PTER: variants seen among roughly 807,000 people sequenced by gnomAD.
PTER encodes N-acetyltaurine hydrolase.
In PTER, 38 loss-of-function variants were observed where a neutral mutation model predicts 29.6. The observed-to-expected ratio is 1.28, with a 90% CI of 0.99 to 1.68. The LOEUF (loss-of-function observed/expected upper bound fraction) is 1.68, where lower values mean the gene tolerates loss of function less well. Among genes scored for constraint, PTER ranks in the 40% most tolerant of loss-of-function variants. The pLI is 0.00. For synonymous variants in PTER, 172 were observed against 154.5 expected (o/e 1.11, Z -0.84); for missense variants, 482 against 427.8 (o/e 1.13, Z -1.12).
chr10:16,471,579 A>C (rs1411526693), intron 1 of PTER, among the ~76,000 whole-genome samples: 1 of 152,234 alleles, frequency 6.6e-6, no homozygotes, highest in African/African-American at 2.4e-5. Flanking sequence ...ATAAATTTTT[A>C]TCGTATTTAA....
intron 1 of PTER, among the ~76,000 whole-genome samples, chr10:16,456,000 G>T (rs1171428809): frequency 6.6e-6 from 1 of 152,132 alleles, no homozygotes; most frequent in Non-Finnish European, 1.5e-5. Flanking sequence ...CAGGCCAACA[G>T]AAACTGAGAC....
At chr10:16,504,036 C>G (rs1836466577) in intron 3 of PTER, among the ~76,000 whole-genome samples, 1 of 152,082 alleles carries the variant, frequency 6.6e-6, no homozygotes, top group Non-Finnish European at 1.5e-5. Flanking sequence ...TTCCTTCATT[C>G]CCTTCATGCA....
At chr10:16,475,591 G>A (rs1835230775) in intron 1 of PTER, among the ~76,000 whole-genome samples, 2 of 152,154 alleles carry the variant, frequency 1.3e-5, no homozygotes, top group South Asian at 4.1e-4. Flanking sequence ...TCACCGACCA[G>A]CTCTGGTACA....
Position 16,453,821 on chromosome 10 carries a change from T to G in PTER, c.-49+16774T>G, listed in dbSNP as rs145817500. 2.9e-3 allele frequency among the ~76,000 whole-genome samples: 443 copies of G among 152,302 alleles called. 6 individuals carry two copies. Among genetic ancestry groups the G allele is most frequent in the African/African-American group, 0.01 (421 of 41,562 alleles). On this transcript the variant is annotated intron_variant, in intron 1 of 4. Coordinates refer to ENST00000535784, the MANE Select transcript of PTER (RefSeq NM_001261836.2). ...TAATATTTAAACAGATGTGAACAAA[T>G]GGAGAAGCTTCTGGAGAGGTCATTT...
chr10:16,461,985 G>A (rs1588595181), intron 1 of PTER, among the ~76,000 whole-genome samples: 1 of 151,056 alleles, frequency 6.6e-6, no homozygotes, highest in Non-Finnish European at 1.5e-5. Context: ...GTATTTCCTA[G>A]GATTTTTTTT....
In PTER at chr10:16,448,300, AG is replaced by A. The variant is rs111723430; in HGVS notation, c.-49+11254del. ...GGTCATATGGTCCAAGTGGCAGAGG[AG>A]CTTGCATAGTAGCCTGGACCTGTTG... On this transcript the variant is annotated intron_variant, in intron 1 of 4. Coordinates refer to ENST00000535784, the MANE Select transcript of PTER (RefSeq NM_001261836.2). 2.1e-3 allele frequency among the ~76,000 whole-genome samples: 320 copies of A among 152,308 alleles called. 1 individual carries two copies. The highest frequency in any genetic ancestry group is 7.5e-3 in the African/African-American group (313 of 41,572).
intron 3 of PTER, among the ~76,000 whole-genome samples, chr10:16,490,374 GT>G (rs1352824779): frequency 6.6e-6 from 1 of 152,072 alleles, no homozygotes; most frequent in Non-Finnish European, 1.5e-5. Flanking sequence ...TATGGGGCAA[GT>G]TTTTACCTAC....
intron 1 of PTER, among the ~76,000 whole-genome samples, chr10:16,464,735 C>T (rs989659187): frequency 1.3e-5 from 2 of 152,224 alleles, no homozygotes; most frequent in Non-Finnish European, 2.9e-5. Context: ...TCTCATTCCT[C>T]CAGTATCAGT....
intron 1 of PTER, among the ~76,000 whole-genome samples, chr10:16,442,225 T>C (rs1833873552): frequency 6.6e-6 from 1 of 152,232 alleles, no homozygotes; most frequent in Non-Finnish European, 1.5e-5. Context: ...TATTTGTTTG[T>C]TGATTTTTAA....
intron 1 of PTER, among the ~76,000 whole-genome samples, chr10:16,449,428 CTTTTTTT>C (rs35475659): frequency 2.0e-5 from 2 of 101,864 alleles, no homozygotes; most frequent in Non-Finnish European, 3.7e-5. Context: ...CAATAATTTT[CTTTTTTT>C]TTTTTTTTTT....
intron 1 of PTER, among the ~76,000 whole-genome samples, chr10:16,463,120 G>A (rs986239137): frequency 6.6e-6 from 1 of 150,826 alleles, no homozygotes; most frequent in Admixed American, 6.6e-5. Context: ...TTGAACCCGG[G>A]AGGCGGAGGT....
chr10:16,509,024 T>G (rs1465652070), intron 4 of PTER, among the ~76,000 whole-genome samples: 1 of 152,236 alleles, frequency 6.6e-6, no homozygotes, highest in Admixed American at 6.5e-5. Context: ...ATTTCTCAAA[T>G]CTTATTATAT....
At chr10:16,509,961 G>C (rs1412251417) in intron 4 of PTER, among the ~76,000 whole-genome samples, 5 of 152,084 alleles carry the variant, frequency 3.3e-5, no homozygotes, top group Non-Finnish European at 5.9e-5. Context: ...TTTGCTCACT[G>C]TAGTAGTTAT....
Position 16,484,589 on chromosome 10 carries a change from G to A in PTER, c.205G>A (p.Glu69Lys), listed in dbSNP as rs1365896584. 9 of 1,614,028 alleles carry A rather than the reference G, an allele frequency of 5.6e-6. No homozygotes were observed. The highest frequency in any genetic ancestry group is 7.6e-6 in the Non-Finnish European group (9 of 1,179,984). Residue 69 changes from glutamate (E) to lysine (K), a missense_variant, in exon 2 of 5, where the codon GAA (glutamate) becomes AAA (lysine). By Grantham distance (56) the Glu-to-Lys change is moderately conservative. Transcript: ENST00000535784. ...TCAGAAAAACGCCTATTCCCATAAA[G>A]AAAACCTTCAATTAAATCAGGAGAC... Reference protein sequence around the residue: ...WIQKNAYSHKENLQLNQETEA... With the variant: ...WIQKNAYSHKKNLQLNQETEA...
intron 3 of PTER, among the ~76,000 whole-genome samples, chr10:16,501,327 CT>C (rs1836330609): frequency 4.8e-5 from 4 of 83,648 alleles, no homozygotes; most frequent in East Asian, 7.0e-4. Flanking sequence ...AAATGAATAA[CT>C]ACACACACAC....
chr10:16,487,054 C>T (rs912741790), intron 3 of PTER, among the ~76,000 whole-genome samples: 29 of 152,170 alleles, frequency 1.9e-4, no homozygotes, highest in African/African-American at 5.1e-4. Context: ...AGAAGAAAAC[C>T]GCAAATATAA....
chr10:16,448,542 C>T lies in PTER; in HGVS notation c.-49+11495C>T, dbSNP rs893771144. ...AGGAATATCTCGACAGGCCCCACAC[C>T]GCTGGACCCCTGGACATTTTACTGA... On this transcript the variant is annotated intron_variant, in intron 1 of 4. Coordinates refer to ENST00000535784, the MANE Select transcript of PTER (RefSeq NM_001261836.2). Among the ~76,000 whole-genome samples the T allele has an allele frequency of 3.3e-5, 5 of 152,170 alleles. No individual in the cohort carries two copies. The East Asian group carries it at 9.6e-4, about 29-fold the overall frequency.
intron 3 of PTER, among the ~76,000 whole-genome samples, chr10:16,493,002 A>G (rs1467613225): frequency 6.6e-6 from 1 of 152,200 alleles, no homozygotes; most frequent in African/African-American, 2.4e-5. Context: ...TAGATGAAAT[A>G]AGAGAGTGGG....
chr10:16,499,977 C>T (rs951865611), intron 3 of PTER, among the ~76,000 whole-genome samples: 8 of 152,042 alleles, frequency 5.3e-5, no homozygotes, highest in African/African-American at 1.9e-4. Context: ...AAGCAACCCT[C>T]CCAGAGGCTT....
Sources: gnomAD v4.1 joint callset for allele counts (sites outside exome capture counted in the v4.1 genomes callset) on GRCh38, gnomAD v4.1.1 for gene constraint, MANE v1.5 for transcripts, NCBI Gene and HGNC (gene_info 2026-07-23, HGNC 2026-07-21) for gene names.